OPCML: variants seen among roughly 807,000 people sequenced by gnomAD.
The protein encoded by OPCML is opioid-binding protein/cell adhesion molecule.
Under a neutral mutation model 37.8 loss-of-function variants are expected in OPCML, and 13 were observed. That is an observed-to-expected ratio of 0.34 (90% CI 0.22 to 0.55). OPCML has a LOEUF of 0.55. Ranked by LOEUF, OPCML falls within the 20% of genes least tolerant of loss-of-function variation. OPCML has a pLI of 0.91. For missense variants in OPCML, 341 were observed against 435.6 expected (o/e 0.78, Z 1.93); for synonymous variants, 176 against 168.8 (o/e 1.04, Z -0.33).
chr11:133,414,005 T>A (rs1419959687), intron 1 of OPCML, among the ~76,000 whole-genome samples: 1 of 152,190 alleles, frequency 6.6e-6, no homozygotes, highest in Non-Finnish European at 1.5e-5. Flanking sequence ...TCCCTGAGGC[T>A]ACTTCCATAT....
At chr11:133,025,971 G>A (rs1488256825) in intron 1 of OPCML, 1 of 669,796 alleles carries the variant, frequency 1.5e-6, no homozygotes, top group Non-Finnish European at 1.8e-6. Context: ...CTGACCTCAG[G>A]TGATCCACCC....
intron 1 of OPCML, among the ~76,000 whole-genome samples, chr11:133,326,788 ATGTGGGG>A (rs1490370861): frequency 3.1e-5 from 2 of 64,240 alleles, no homozygotes; most frequent in Non-Finnish European, 5.9e-5. Flanking sequence ...GTGGATGTGG[ATGTGGGG>A]TGTGGGTGTG....
chr11:132,732,464 C>T (rs1173368247), intron 2 of OPCML, among the ~76,000 whole-genome samples: 1 of 152,074 alleles, frequency 6.6e-6, no homozygotes, highest in Non-Finnish European at 1.5e-5. Context: ...GTCTGAGGTT[C>T]CTGCTTCAGA....
chr11:132,603,580 T>A (rs954640767), intron 3 of OPCML, among the ~76,000 whole-genome samples: 3 of 152,242 alleles, frequency 2.0e-5, no homozygotes, highest in African/African-American at 4.8e-5. Flanking sequence ...CCTCCCTCTG[T>A]CAGAAGGGTC....
At chr11:132,636,657 C>A (rs565687763) in intron 3 of OPCML, among the ~76,000 whole-genome samples, 3 of 152,170 alleles carry the variant, frequency 2.0e-5, no homozygotes, top group Non-Finnish European at 4.4e-5. Context: ...GAGGAAAAAT[C>A]TCTGAATAAT....
At chr11:133,232,774 G>C (rs564028571) in intron 1 of OPCML, among the ~76,000 whole-genome samples, 1 of 152,202 alleles carries the variant, frequency 6.6e-6, no homozygotes, top group African/African-American at 2.4e-5. Flanking sequence ...GTGGGGGAAA[G>C]AGGAGGGGAA....
At chr11:133,016,476 G>A (rs1947338268) in intron 1 of OPCML, among the ~76,000 whole-genome samples, 1 of 152,150 alleles carries the variant, frequency 6.6e-6, no homozygotes. Context: ...TCTCTTTGAT[G>A]TCCCTTTCTG....
intron 1 of OPCML, among the ~76,000 whole-genome samples, chr11:132,955,164 C>A (rs1163663397): frequency 6.6e-6 from 1 of 152,062 alleles, no homozygotes; most frequent in Admixed American, 6.6e-5. Flanking sequence ...AGATGGGGAT[C>A]TGGGGGAGGT....
intron 4 of OPCML, among the ~76,000 whole-genome samples, chr11:132,467,596 G>C (rs2096123769): frequency 6.6e-6 from 1 of 152,204 alleles, no homozygotes; most frequent in Non-Finnish European, 1.5e-5. Context: ...GTTTAATGCT[G>C]TCATTTAAAA....
intron 3 of OPCML, among the ~76,000 whole-genome samples, chr11:132,564,736 G>A (rs2096418492): frequency 6.6e-6 from 1 of 152,156 alleles, no homozygotes; most frequent in East Asian, 1.9e-4. Flanking sequence ...AAAAAAAGCA[G>A]CAATTCTGGT....
intron 3 of OPCML, among the ~76,000 whole-genome samples, chr11:132,555,176 G>C (rs2096392329): frequency 6.6e-6 from 1 of 151,816 alleles, no homozygotes; most frequent in African/African-American, 2.4e-5. Flanking sequence ...GCATTTTTTT[G>C]ATTAAGGGTG....
intron 2 of OPCML, among the ~76,000 whole-genome samples, chr11:132,873,720 A>C (rs1330322081): frequency 6.7e-6 from 1 of 150,340 alleles, no homozygotes; most frequent in Non-Finnish European, 1.5e-5. Context: ...GGGCACAAAA[A>C]AAAAAAAAAA....
intron 3 of OPCML, among the ~76,000 whole-genome samples, chr11:132,630,526 ATGTGTGTG>A (rs140438717): frequency 2.7e-5 from 4 of 148,896 alleles, no homozygotes; most frequent in Non-Finnish European, 4.5e-5. Context: ...AGGACACAAT[ATGTGTGTG>A]TGTGTGTGTG....
chr11:133,034,813 C>G (rs1001023794), intron 1 of OPCML, among the ~76,000 whole-genome samples: 1 of 150,744 alleles, frequency 6.6e-6, no homozygotes, highest in Non-Finnish European at 1.5e-5. Context: ...AGAGGAGTAG[C>G]CTCATGTGAA....
At chr11:133,000,714 A>C (rs1274513783) in intron 1 of OPCML, among the ~76,000 whole-genome samples, 1 of 152,226 alleles carries the variant, frequency 6.6e-6, no homozygotes, top group Non-Finnish European at 1.5e-5. Context: ...TAGAGAAAAA[A>C]GATGTTCCTG....
intron 1 of OPCML, among the ~76,000 whole-genome samples, chr11:133,307,483 A>G (rs1365010972): frequency 6.6e-6 from 1 of 152,154 alleles, no homozygotes; most frequent in Non-Finnish European, 1.5e-5. Context: ...GGAAAAGACT[A>G]ATGTAGACAA....
intron 3 of OPCML, among the ~76,000 whole-genome samples, chr11:132,622,168 A>T (rs1206221168): frequency 1.3e-5 from 2 of 152,198 alleles, no homozygotes. Flanking sequence ...TTGACTCACA[A>T]AGAAAACAGA....
In OPCML at chr11:133,502,290, C is replaced by T. The variant is rs185317958; in HGVS notation, c.61+29974G>A. On this transcript the variant is annotated intron_variant, in intron 1 of 7. Coordinates refer to ENST00000524381, the MANE Select transcript of OPCML (RefSeq NM_001012393.5). ...TACAGCAGCGGCTTAGAGCCCACCCCCTCTCCTGCCCCCACCCTGCAAAAG... is the reference window on the plus strand; with the variant it reads ...TACAGCAGCGGCTTAGAGCCCACCCTCTCTCCTGCCCCCACCCTGCAAAAG... Among the ~76,000 whole-genome samples, 204 of 152,304 alleles carry T rather than the reference C, an allele frequency of 1.3e-3. 1 individual carries two copies. The highest frequency in any genetic ancestry group is 4.5e-3 in the African/African-American group (187 of 41,560).
At chr11:133,051,731 C>T (rs1040919937) in intron 1 of OPCML, among the ~76,000 whole-genome samples, 1 of 152,200 alleles carries the variant, frequency 6.6e-6, no homozygotes, top group South Asian at 2.1e-4. Context: ...GTCTTCTAGG[C>T]AGCCCAAGCC....
Sources: allele counts gnomAD v4.1 joint callset (sites outside exome capture counted in the v4.1 genomes callset), GRCh38; gene constraint gnomAD v4.1.1; transcripts MANE v1.5; gene names NCBI Gene and HGNC (gene_info 2026-07-23, HGNC 2026-07-21).